Variants in MAP7D3 observed in about 807,000 individuals in gnomAD.
The protein encoded by MAP7D3 is MAP7 domain-containing protein 3.
A neutral mutation model predicts 62.2 loss-of-function variants in MAP7D3; 45 were observed. That is an observed-to-expected ratio of 0.72 (90% CI 0.57 to 0.93). The LOEUF is 0.93. MAP7D3 is among the 40% of genes least tolerant of loss of function. The probability of loss-of-function intolerance (pLI) is 0.00; values close to 1 mark genes in which losing one functional copy is unlikely to be tolerated. For missense variants in MAP7D3, 711 were observed against 683.1 expected, an observed-to-expected ratio of 1.04 and a Z score of -0.45; for synonymous variants, 288 against 248.8, an observed-to-expected ratio of 1.16 and a Z score of -1.48.
chrX:136,236,101 C>G, intron 7 of MAP7D3, 143 bp downstream of exon 7: 1 of 416,982 alleles, frequency 2.4e-6, no homozygotes, highest in Middle Eastern at 4.8e-4. Flanking sequence ...GCCAAATAAG[C>G]ATGGCACCAA....
At chrX:136,228,965 A>G in intron 10 of MAP7D3, 2 of 260,299 alleles carry the variant, frequency 7.7e-6, no homozygotes, top group Non-Finnish European at 1.3e-5. Flanking sequence ...GTTTCTTTTT[A>G]ACACCTACTT....
intron 1 of MAP7D3, among the ~76,000 whole-genome samples, chrX:136,246,975 G>A (rs1427113627): frequency 8.9e-6 from 1 of 112,276 alleles, no homozygotes; most frequent in Admixed American, 9.4e-5. Flanking sequence ...GTGGGGCCCA[G>A]GCATCTACAA....
chrX:136,221,651 C>T (rs1194198033), intron 15 of MAP7D3: 1 of 112,841 alleles, frequency 8.9e-6, no homozygotes, highest in Admixed American at 9.4e-5. Context: ...TACCTTCTAT[C>T]TTCGGCTTTC....
chrX:136,241,263 G>T lies in MAP7D3; in HGVS notation c.432C>A (p.Ala144=). 2 of 1,119,379 alleles carry T rather than the reference G, an allele frequency of 1.8e-6. No homozygotes were observed. The highest frequency in any genetic ancestry group is 4.0e-5 in the South Asian group (2 of 50,399). The allele number at this position is 1,119,379 out of a possible 1,213,427, so 92.2% of individuals were successfully genotyped here. ...KDEAQKEKFT[A]ILYRTLERRR... ...TCCGTTCCAAAGTACGATAAAGAAT[G>T]GCTGTAAATTTTTCCTATTTAAAAT... is the stretch of plus-strand genomic sequence containing the variant. Residue 144 remains alanine (A), a synonymous_variant, in exon 5 of 19, where the codon GCC becomes GCA. Coordinates refer to ENST00000316077, the MANE Select transcript of MAP7D3 (RefSeq NM_024597.4).
At chrX:136,249,948 C>A (rs1410047893) in intron 1 of MAP7D3, among the ~76,000 whole-genome samples, 1 of 112,411 alleles carries the variant, frequency 8.9e-6, no homozygotes, top group Admixed American at 9.4e-5. Context: ...CACTTTCCAA[C>A]ATCTGATATA....
At chrX:136,245,127 T>C in intron 3 of MAP7D3, among the ~76,000 whole-genome samples, 1 of 112,473 alleles carries the variant, frequency 8.9e-6, no homozygotes, top group Middle Eastern at 4.6e-3. Flanking sequence ...CCCTACCATA[T>C]TAATATGCTG....
chrX:136,252,676 C>CA (rs770751343), upstream of MAP7D3, among the ~76,000 whole-genome samples: 581 of 35,996 alleles, frequency 0.016, 30 homozygotes, highest in African/African-American at 0.025. Flanking sequence ...GACTCTGTCT[C>CA]AAAAAAAAAA....
In MAP7D3 at chrX:136,228,688, G is replaced by A; in HGVS notation, c.1821C>T (p.Arg607=). 1 of 1,205,440 alleles carries A rather than the reference G, an allele frequency of 8.3e-7. No homozygotes were observed. Among genetic ancestry groups the A allele is most frequent in the Non-Finnish European group, 1.1e-6 (1 of 891,813 alleles). The change falls in exon 11 of 19, where the codon CGC becomes CGT. Residue 607 remains arginine (R), a synonymous_variant. Coordinates refer to ENST00000316077, the MANE Select transcript of MAP7D3 (RefSeq NM_024597.4). ...TTTCTCTTTGTTCACGAGCAAGGCGGCGCAATTCTGTCAAAATTTTTGTTG... is the reference window on the plus strand; with the variant it reads ...TTTCTCTTTGTTCACGAGCAAGGCGACGCAATTCTGTCAAAATTTTTGTTG... ...EAATKILTEL[R]RLAREQREKE...
In MAP7D3 at chrX:136,232,223, G is replaced by A. The variant is rs370072168; in HGVS notation, c.737-3C>T. On this transcript the variant is annotated splice_polypyrimidine_tract_variant and splice_region_variant and intron_variant, in intron 7 of 18. Transcript: ENST00000316077. ...TACATAATTGGTGACGCCTGTAACT[G>A]AATGAGGACAGAGCATGAAATTCCC... The A allele has an allele frequency of 4.6e-5, 53 of 1,163,182 alleles. No individual in the cohort carries two copies. The highest frequency in any genetic ancestry group is 9.0e-5 in the Admixed American group (4 of 44,295).
chrX:136,232,503 A>G (rs964562510), intron 7 of MAP7D3, among the ~76,000 whole-genome samples: 1 of 112,386 alleles, frequency 8.9e-6, no homozygotes, highest in Non-Finnish European at 1.9e-5. Context: ...GATGTTTGCA[A>G]TAAGCTGTTT....
At chrX:136,228,877 T>C in intron 10 of MAP7D3, 119 bp from the exon 11 acceptor site, 1 of 532,102 alleles carries the variant, frequency 1.9e-6, no homozygotes, top group Non-Finnish European at 2.7e-6. Flanking sequence ...CCAAAATTTA[T>C]AAATCACAAG....
intron 13 of MAP7D3, 76 bp from the exon 14 acceptor site, chrX:136,224,956 T>A (rs926757899): frequency 4.4e-6 from 3 of 685,141 alleles, no homozygotes; most frequent in Non-Finnish European, 6.8e-6. Context: ...GAGTTGATTA[T>A]CCCCATTTCA....
chrX:136,241,380 T>C, intron 4 of MAP7D3, 103 bp from the exon 5 acceptor site: 1 of 438,002 alleles, frequency 2.3e-6, no homozygotes, highest in South Asian at 3.3e-5. Flanking sequence ...CTGTCTCAGG[T>C]AAAAGTTTAA....
rs1259324956 is a variant in MAP7D3 at position 136,221,388 on chromosome X, C to T, written c.2288-425G>A. Among the ~76,000 whole-genome samples, 3 of 111,510 alleles carry T rather than the reference C, an allele frequency of 2.7e-5. No homozygotes were observed. The East Asian group carries it at 8.4e-4, about 31-fold the overall frequency. On this transcript the variant is annotated intron_variant, in intron 15 of 18. Coordinates refer to ENST00000316077, the MANE Select transcript of MAP7D3 (RefSeq NM_024597.4). ...TTGCCCAGGCTGGAGTGCAGTGGCA[C>T]GATCTCCACTCACTGCAAGCTCCAC...
At chrX:136,230,125 T>C (rs2074249469) in intron 10 of MAP7D3, among the ~76,000 whole-genome samples, 1 of 107,226 alleles carries the variant, frequency 9.3e-6, no homozygotes, top group Admixed American at 1.0e-4. Flanking sequence ...GCTACCATGC[T>C]TGGCCAGACC....
chrX:136,250,167 T>C (rs1193990993), intron 1 of MAP7D3, among the ~76,000 whole-genome samples: 3 of 112,235 alleles, frequency 2.7e-5, no homozygotes, highest in African/African-American at 9.7e-5. Flanking sequence ...TGAAAGTGTA[T>C]GTAGTATATG....
chrX:136,220,244 G>GGT (rs2074109362), intron 16 of MAP7D3, among the ~76,000 whole-genome samples: 1 of 111,193 alleles, frequency 9.0e-6, no homozygotes, highest in Non-Finnish European at 1.9e-5. Flanking sequence ...GATCACTTGA[G>GGT]CCAAGGAGGT....
At chrX:136,224,481 CAAAAAAAA>C (rs368465251) in intron 14 of MAP7D3, among the ~76,000 whole-genome samples, 2 of 66,369 alleles carry the variant, frequency 3.0e-5, no homozygotes, top group African/African-American at 1.1e-4. Context: ...ACATTGTATA[CAAAAAAAA>C]AAAAGAAAAA....
Position 136,251,182 on chromosome X carries a change from GAA to G in MAP7D3, c.70+105_70+106del, listed in dbSNP as rs1312629291. On this transcript the variant is annotated intron_variant, in intron 1 of 18. Transcript: ENST00000316077. ...CCAGATAGCACGAGGCGACTCCAGG[GAA>G]AAGTTTTGTGGCGCCCGCTGCGCCG... is the stretch of plus-strand genomic sequence containing the variant. The G allele has an allele frequency of 1.0e-5, 7 of 677,823 alleles. No individual in the cohort carries two copies. The Admixed American group carries it at 2.3e-4, about 22-fold the overall frequency. The allele number at this position is 677,823 out of a possible 1,213,427, so 55.9% of individuals were successfully genotyped here.
Sources: allele counts gnomAD v4.1 joint callset (sites outside exome capture counted in the v4.1 genomes callset), GRCh38; gene constraint gnomAD v4.1.1; transcripts MANE v1.5; gene names NCBI Gene and HGNC (gene_info 2026-07-23, HGNC 2026-07-21).